Variants in LYPD1 observed in about 807,000 individuals in gnomAD.
The protein encoded by LYPD1 is ly6/PLAUR domain-containing protein 1.
LYPD1 carries 14 observed loss-of-function variants against 14.2 expected under a neutral mutation model. The observed-to-expected ratio is 0.99, with a 90% CI of 0.65 to 1.54. LYPD1 has a LOEUF of 1.54. LYPD1 is among the 40% of genes most tolerant of loss of function. The probability of loss-of-function intolerance (pLI) is 0.00; values close to 1 mark genes in which losing one functional copy is unlikely to be tolerated. For synonymous variants in LYPD1, 85 were observed against 70.6 expected, an observed-to-expected ratio of 1.20 and a Z score of -1.02; for missense variants, 165 against 175.7, an observed-to-expected ratio of 0.94 and a Z score of 0.34.
chr2:132,644,508 A>C lies in LYPD1; in HGVS notation c.*1537T>G, dbSNP rs536531903. On this transcript the variant is annotated 3_prime_UTR_variant, in exon 3 of 3. Coordinates refer to ENST00000397463, the MANE Select transcript of LYPD1 (RefSeq NM_144586.7). ...ATCATGATTATAGGTGTGCATACCT[A>C]GTATGTATATGTCCAAAAAACATTC... 3.3e-4 allele frequency among the ~76,000 whole-genome samples: 51 copies of C among 152,382 alleles called. No homozygotes were observed. The highest frequency in any genetic ancestry group is 1.6e-4 in the Non-Finnish European group (11 of 68,028).
chr2:132,668,352 C>A (rs747152284), intron 2 of LYPD1, 48 bp downstream of exon 2: 1 of 1,546,666 alleles, frequency 6.5e-7, no homozygotes, highest in East Asian at 2.4e-5. Context: ...TCACTCCCAC[C>A]CCACAGCCCA....
chr2:132,652,478 A>C (rs889776926), intron 2 of LYPD1, among the ~76,000 whole-genome samples: 2 of 152,202 alleles, frequency 1.3e-5, no homozygotes, highest in Admixed American at 6.5e-5. Context: ...TGACAAAGGC[A>C]GAACTGTGAG....
chr2:132,653,103 T>G (rs904814357), intron 2 of LYPD1, among the ~76,000 whole-genome samples: 1 of 152,184 alleles, frequency 6.6e-6, no homozygotes, highest in African/African-American at 2.4e-5. Flanking sequence ...CCTCATGTAC[T>G]TAATGGGATG....
chr2:132,653,801 G>A (rs189712389), intron 2 of LYPD1, among the ~76,000 whole-genome samples: 21 of 152,312 alleles, frequency 1.4e-4, no homozygotes, highest in African/African-American at 5.1e-4. Context: ...ACTGAGAAGG[G>A]TGCATCTCTT....
intron 2 of LYPD1, among the ~76,000 whole-genome samples, chr2:132,667,919 A>G (rs1030247339): frequency 6.6e-6 from 1 of 152,248 alleles, no homozygotes; most frequent in Non-Finnish European, 1.5e-5. Context: ...TTGATGCATT[A>G]GTTCTAAAAT....
chr2:132,670,024 G>A lies in LYPD1; in HGVS notation c.-92C>T, dbSNP rs753802961. On this transcript the variant is annotated 5_prime_UTR_variant, in exon 1 of 3. Coordinates refer to ENST00000397463, the MANE Select transcript of LYPD1 (RefSeq NM_144586.7). This position sits in a 1 kb window ranked among gnomAD's most constrained non-coding sequence, Gnocchi z 4.5. ...CCCGGCTGCAGCGGCTGTGGCTGCC[G>A]AGGCTGCTGGGGCCCGCGCTGCTGC... The A allele has an allele frequency of 1.2e-5, 19 of 1,567,576 alleles. No individual in the cohort carries two copies. In the South Asian group the frequency reaches 1.9e-4, roughly 16 times the overall value.
chr2:132,667,144 G>T (rs1196475664), intron 2 of LYPD1, among the ~76,000 whole-genome samples: 1 of 152,056 alleles, frequency 6.6e-6, no homozygotes, highest in Non-Finnish European at 1.5e-5. Context: ...GTTTTGTTTT[G>T]CATCATTAAT....
In LYPD1 at chr2:132,643,365, G is replaced by A. The variant is rs2104881186; in HGVS notation, c.*2680C>T. On this transcript the variant is annotated 3_prime_UTR_variant, in exon 3 of 3. Coordinates refer to ENST00000397463, the MANE Select transcript of LYPD1 (RefSeq NM_144586.7). ...CTGTGGAAATTAACAAAGGAGAAGA[G>A]TTTCCAAGGCCTTCCTTGCTCACAT... Among the ~76,000 whole-genome samples the A allele has an allele frequency of 6.6e-6, 1 of 152,304 alleles. No homozygotes were observed. Among genetic ancestry groups the A allele is most frequent in the Admixed American group, 6.5e-5 (1 of 15,298 alleles).
intron 2 of LYPD1, among the ~76,000 whole-genome samples, chr2:132,654,225 TACA>T (rs879374205): frequency 3.3e-5 from 5 of 152,122 alleles, no homozygotes; most frequent in Admixed American, 2.0e-4. Flanking sequence ...TATTTCCACA[TACA>T]ACATTTTTTA....
At chr2:132,668,321 T>A in intron 2 of LYPD1, 79 bp downstream of exon 2, 2 of 1,486,528 alleles carry the variant, frequency 1.3e-6, no homozygotes, top group Non-Finnish European at 1.8e-6. Flanking sequence ...CAGTCCTTTT[T>A]CCTGCTATTT....
chr2:132,660,390 C>T (rs543953724), intron 2 of LYPD1: 40 of 152,270 alleles, frequency 2.6e-4, no homozygotes, highest in African/African-American at 9.4e-4. Flanking sequence ...TAATTCAGTC[C>T]ATCTCCTGCT....
intron 2 of LYPD1, chr2:132,662,991 C>T (rs1022973545): frequency 6.6e-6 from 1 of 152,156 alleles, no homozygotes; most frequent in Admixed American, 6.5e-5. Flanking sequence ...ATTTGATATT[C>T]CCCCTCTGAA....
intron 2 of LYPD1, among the ~76,000 whole-genome samples, chr2:132,664,025 CCA>C (rs1188383295): frequency 1.3e-5 from 2 of 151,850 alleles, no homozygotes; most frequent in Non-Finnish European, 2.9e-5. Context: ...AAAAGTATAT[CCA>C]CACACACAAA....
chr2:132,652,663 G>A (rs888779376), intron 2 of LYPD1, among the ~76,000 whole-genome samples: 2 of 152,160 alleles, frequency 1.3e-5, no homozygotes, highest in Non-Finnish European at 2.9e-5. Context: ...ATTTCTCACG[G>A]CTCTAATCCG....
chr2:132,654,239 A>G (rs374792147), intron 2 of LYPD1, among the ~76,000 whole-genome samples: 3 of 152,202 alleles, frequency 2.0e-5, no homozygotes, highest in South Asian at 4.2e-4. Flanking sequence ...ACATTTTTTA[A>G]AAGACATTGG....
At chr2:132,657,939 A>G (rs557553942) in intron 2 of LYPD1, among the ~76,000 whole-genome samples, 1 of 152,294 alleles carries the variant, frequency 6.6e-6, no homozygotes, top group African/African-American at 2.4e-5. Flanking sequence ...CTGGCAGACA[A>G]TCACAGTTGG....
chr2:132,654,817 C>T (rs538053368), intron 2 of LYPD1, among the ~76,000 whole-genome samples: 28 of 151,996 alleles, frequency 1.8e-4, no homozygotes, highest in South Asian at 8.3e-4. Context: ...GGCGCAATCT[C>T]GGCTCACTGC....
At position 132,644,914 on chromosome 2, in the gene LYPD1, A is replaced by T. The variant is rs1335135203; in HGVS notation, c.*1131T>A. The T allele has an allele frequency of 1.6e-6, 1 of 626,736 alleles. No homozygotes were observed. Among genetic ancestry groups the T allele is most frequent in the Non-Finnish European group, 2.7e-6 (1 of 367,754 alleles). 38.8% of individuals were successfully genotyped at this position (626,736 alleles called of 1,614,324 possible). On this transcript the variant is annotated 3_prime_UTR_variant, in exon 3 of 3. Coordinates refer to ENST00000397463, the MANE Select transcript of LYPD1 (RefSeq NM_144586.7). ...CAGCCAACTCCCCCGGGTTTGAAAC[A>T]GTGTTAAATTCTCTCTTGCTTGTGG...
chr2:132,667,513 G>A (rs1293623701), intron 2 of LYPD1, among the ~76,000 whole-genome samples: 1 of 152,180 alleles, frequency 6.6e-6, no homozygotes, highest in Non-Finnish European at 1.5e-5. Flanking sequence ...GCAGTTCACA[G>A]AACTAAAGGA....
Sources: gnomAD v4.1 joint callset for allele counts (sites outside exome capture counted in the v4.1 genomes callset) on GRCh38, gnomAD v4.1.1 for gene constraint, Gnocchi (gnomAD v3.1) non-coding constraint, MANE v1.5 for transcripts, NCBI Gene and HGNC (gene_info 2026-07-23, HGNC 2026-07-21) for gene names.